Variants in MYH11 observed in about 807,000 individuals in gnomAD.
MYH11 encodes the protein myosin-11.
A neutral mutation model predicts 246.6 loss-of-function variants in MYH11; 80 were observed. The observed-to-expected ratio is 0.32, with a 90% CI of 0.27 to 0.39. MYH11 has a LOEUF of 0.39. Ranked by LOEUF, MYH11 falls within the 10% of genes least tolerant of loss-of-function variation. The pLI is 1.00. For missense variants in MYH11, 2,158 were observed against 2,546.8 expected, an observed-to-expected ratio of 0.85 and a Z score of 3.29; for synonymous variants, 1,071 against 1,015.5, an observed-to-expected ratio of 1.05 and a Z score of -1.04.
intron 11 of MYH11, 22 bp from the exon 12 acceptor site, chr16:15,759,750 AC>A (rs1388027515): frequency 6.2e-7 from 1 of 1,613,416 alleles, no homozygotes; most frequent in African/African-American, 1.3e-5. Context: ...AACCAGGGGA[AC>A]CCGGTTATTC....
At chr16:15,810,728 G>A (rs1166248791) in intron 3 of MYH11, among the ~76,000 whole-genome samples, 1 of 152,186 alleles carries the variant, frequency 6.6e-6, no homozygotes, top group Non-Finnish European at 1.5e-5. Context: ...CCTCACCAGG[G>A]AAATCGACAA....
chr16:15,802,644 T>C (rs2042914340), intron 3 of MYH11, among the ~76,000 whole-genome samples: 1 of 152,182 alleles, frequency 6.6e-6, no homozygotes, highest in South Asian at 2.1e-4. Context: ...AGATTGGGTC[T>C]TGCTATGTTG....
At position 15,732,493 on chromosome 16, in the gene MYH11, C is replaced by G. The variant is rs1355998067; in HGVS notation, c.3651+71G>C. 3.7e-6 allele frequency: 6 copies of G among 1,602,238 alleles called. No homozygotes were observed. In the African/African-American group the frequency reaches 5.4e-5, roughly 14 times the overall value. On this transcript the variant is annotated intron_variant, in intron 27 of 40. Transcript: ENST00000300036. ...TTTTTGTCTTTATGCAGACCCTGAC[C>G]TGTAGTAATTTGAGGCTGCTGATGT...
chr16:15,745,159 C>A lies in MYH11; in HGVS notation c.2490G>T (p.Arg830=). The A allele has an allele frequency of 6.2e-7, 1 of 1,614,180 alleles. No individual in the cohort carries two copies. The highest frequency in any genetic ancestry group is 8.5e-7 in the Non-Finnish European group (1 of 1,180,034). Reference sequence around the variant, plus strand: ...TGAAAAGCCTCCACCACTGCCAGTTCCGCAGCTTGAGGTAGGCGGCGCAGT... The same window carrying A: ...TGAAAAGCCTCCACCACTGCCAGTTACGCAGCTTGAGGTAGGCGGCGCAGT... ...QRNCAAYLKL[R]NWQWWRLFTK... is the part of the protein sequence containing the mutation. Residue 830 remains arginine, a synonymous_variant, in exon 20 of 41, where the codon CGG becomes CGT. Transcript: ENST00000300036.
At chr16:15,737,419 A>G (rs1340583319) in intron 25 of MYH11, 30 bp downstream of exon 25, 3 of 1,607,588 alleles carry the variant, frequency 1.9e-6, no homozygotes, top group South Asian at 1.1e-5. Context: ...ACATGGACAC[A>G]CAGCAAATGC....
chr16:15,748,234 C>A lies in MYH11; in HGVS notation c.2059-66G>T, dbSNP rs533911832. On this transcript the variant is annotated intron_variant, in intron 16 of 40. Transcript: ENST00000300036. ...AACCATGGCGCAGCAAAGCCCCAAA[C>A]CTCCTACCTGGATGACCCACCTGGC... 36 of 1,604,808 alleles carry A rather than the reference C, an allele frequency of 2.2e-5. No individual in the cohort carries two copies. The African/African-American group carries it at 4.4e-4, about 20-fold the overall frequency.
In MYH11 at chr16:15,725,564, G is replaced by A. The variant is rs889071659; in HGVS notation, c.3859-572C>T. ...AGTGTCTCTGCATAAGTCCCTTTGA[G>A]GCTGTTAGCCTACCCCTCCATCTCT... On this transcript the variant is annotated intron_variant, in intron 28 of 40. Coordinates refer to ENST00000300036, the MANE Select transcript of MYH11 (RefSeq NM_002474.3). 9.8e-6 allele frequency: 4 copies of A among 407,968 alleles called. No individual in the cohort carries two copies. The East Asian group carries it at 1.0e-4, about 11-fold the overall frequency. 25.3% of individuals were successfully genotyped at this position (407,968 alleles called of 1,614,324 possible). A position where few individuals can be genotyped will look rare whatever the true frequency, so the allele number is the denominator to read the frequency against.
At chr16:15,765,975 G>A (rs1204570023) in intron 9 of MYH11, among the ~76,000 whole-genome samples, 1 of 152,160 alleles carries the variant, frequency 6.6e-6, no homozygotes, top group Non-Finnish European at 1.5e-5. Context: ...GAAATTGGGG[G>A]CCAGATAATT....
At chr16:15,787,650 T>A in intron 4 of MYH11, among the ~76,000 whole-genome samples, 1 of 151,912 alleles carries the variant, frequency 6.6e-6, no homozygotes, top group Non-Finnish European at 1.5e-5. Context: ...ATTTTTTGTA[T>A]TTTTAGTAGA....
rs746923275 is a variant in MYH11, at chr16:15,730,369, TAAAAAA to T, written c.3651+2189_3651+2194del. Reference sequence around the variant, plus strand: ...CAACATGGCAAAACCCCATCTCTACTAAAAAAAAAAAAAAAAAAAAAAATTAGCCGG... The same window carrying T: ...CAACATGGCAAAACCCCATCTCTACTAAAAAAAAAAAAAAAAATTAGCCGG... On this transcript the variant is annotated intron_variant, in intron 27 of 40. Coordinates refer to ENST00000300036, the MANE Select transcript of MYH11 (RefSeq NM_002474.3). Among the ~76,000 whole-genome samples, 47 of 97,226 alleles carry T rather than the reference TAAAAAA, an allele frequency of 4.8e-4. 2 individuals carry two copies. The South Asian group carries it at 0.016, about 32-fold the overall frequency. 63.8% of individuals were successfully genotyped at this position (97,226 alleles called of 152,430 possible).
At chr16:15,765,122 G>A (rs1460601599) in intron 9 of MYH11, among the ~76,000 whole-genome samples, 1 of 152,224 alleles carries the variant, frequency 6.6e-6, no homozygotes, top group Non-Finnish European at 1.5e-5. Context: ...GAGGGAGAGA[G>A]ATGGATGGAT....
At chr16:15,830,890 G>T (rs1265515612) in intron 2 of MYH11, among the ~76,000 whole-genome samples, 2 of 151,782 alleles carry the variant, frequency 1.3e-5, no homozygotes, top group Non-Finnish European at 2.9e-5. Context: ...AAAAGCAATA[G>T]GCTGGGCACA....
In MYH11 at chr16:15,718,167, G is replaced by A. The variant is rs892749335; in HGVS notation, c.5295+148C>T. The A allele has an allele frequency of 8.8e-5, 112 of 1,274,148 alleles. No individual in the cohort carries two copies. In the South Asian group the frequency reaches 1.3e-3, roughly 15 times the overall value. 78.9% of individuals were successfully genotyped at this position (1,274,148 alleles called of 1,614,324 possible). ...GCCTGGGCACTGGTGTAAGGGCCCT[G>A]GATCTCTACTCTCAGGCCCCACCAC... On this transcript the variant is annotated intron_variant, in intron 37 of 40. Coordinates refer to ENST00000300036, the MANE Select transcript of MYH11 (RefSeq NM_002474.3).
intron 20 of MYH11, among the ~76,000 whole-genome samples, chr16:15,744,525 GAC>G (rs1348694745): frequency 1.4e-5 from 2 of 147,528 alleles, no homozygotes; most frequent in Non-Finnish European, 3.0e-5. Context: ...AGAAAGAAGA[GAC>G]AGAGTCTCAA....
chr16:15,744,523 G>A (rs1027627807), intron 20 of MYH11, among the ~76,000 whole-genome samples: 5 of 149,724 alleles, frequency 3.3e-5, no homozygotes, highest in African/African-American at 1.2e-4. Flanking sequence ...AAAGAAAGAA[G>A]AGACAGAGTC....
At chr16:15,717,777 C>T (rs1184524268) in intron 37 of MYH11, 1 of 273,710 alleles carries the variant, frequency 3.7e-6, no homozygotes, top group African/African-American at 2.2e-5. Context: ...GCCTGGGCCA[C>T]AGAGAGACCC....
At chr16:15,775,819 A>AT (rs2042208542) in intron 8 of MYH11, 2 of 561,052 alleles carry the variant, frequency 3.6e-6, no homozygotes, top group Admixed American at 3.1e-5. Context: ...CTAATGAGAC[A>AT]TGAATCATTA....
chr16:15,710,288 C>T (rs545152129), intron 40 of MYH11, among the ~76,000 whole-genome samples: 2 of 152,094 alleles, frequency 1.3e-5, no homozygotes, highest in South Asian at 2.1e-4. Context: ...TTTGGGAGAC[C>T]GAGGCAGGTG....
intron 3 of MYH11, among the ~76,000 whole-genome samples, chr16:15,821,871 T>C (rs1292318944): frequency 8.7e-6 from 1 of 114,932 alleles, no homozygotes; most frequent in Non-Finnish European, 1.9e-5. Flanking sequence ...TGAGCCGAGA[T>C]TGCGCCACTG....
Sources: gnomAD v4.1 joint callset for allele counts (sites outside exome capture counted in the v4.1 genomes callset) on GRCh38, gnomAD v4.1.1 for gene constraint, MANE v1.5 for transcripts, NCBI Gene and HGNC (gene_info 2026-07-23, HGNC 2026-07-21) for gene names.